Variants in TRIM69 observed in about 807,000 individuals in gnomAD.
The protein encoded by TRIM69 is E3 ubiquitin-protein ligase TRIM69.
In TRIM69, 29 loss-of-function variants were observed where a neutral mutation model predicts 37.7. The observed-to-expected ratio is 0.77, with a 90% CI of 0.57 to 1.05. The LOEUF is 1.05. TRIM69 is among the 50% of genes least tolerant of loss of function. The pLI, the probability that TRIM69 is intolerant of heterozygous loss-of-function variation, is 0.00. For missense variants in TRIM69, 596 were observed against 579.9 expected (o/e 1.03, Z -0.28); for synonymous variants, 209 against 212.4 (o/e 0.98, Z 0.14).
At chr15:44,736,857 CT>C in intron 1 of TRIM69, 147 bp downstream of exon 1, 1 of 862,402 alleles carries the variant, frequency 1.2e-6, no homozygotes, top group Non-Finnish European at 1.7e-6. Flanking sequence ...AGCTACTATA[CT>C]CTCTCCAAGC....
intron 1 of TRIM69, among the ~76,000 whole-genome samples, chr15:44,743,606 A>G (rs1397191208): frequency 6.6e-6 from 1 of 152,198 alleles, no homozygotes; most frequent in Non-Finnish European, 1.5e-5. Flanking sequence ...ATGAACTCAA[A>G]CAAATTTACA....
At chr15:44,754,663 T>A (rs1354485806) in intron 1 of TRIM69, 3 of 472,134 alleles carry the variant, frequency 6.4e-6, no homozygotes, top group Non-Finnish European at 1.1e-5. Context: ...CAAAGTACAT[T>A]TCTTTGATTT....
Position 44,759,848 on chromosome 15 carries a change from G to C in TRIM69, c.937G>C (p.Glu313Gln), listed in dbSNP as rs768616131. 1 of 1,613,778 alleles carries C rather than the reference G, an allele frequency of 6.2e-7. No homozygotes were observed. Among genetic ancestry groups the C allele is most frequent in the Non-Finnish European group, 8.5e-7 (1 of 1,179,716 alleles). ...KGPIQYMVWR[E>Q]MQDTLCPGLS... is the part of the protein sequence containing the mutation. ...TCCTATCCAGTACATGGTATGGAGG[G>C]AAATGCAGGACACTCTCTGCCCAGG... is the stretch of plus-strand genomic sequence containing the variant. The change falls in exon 6 of 7, where the codon GAA becomes CAA. Residue 313 changes from glutamate to glutamine, a missense_variant. Coordinates refer to ENST00000329464, the MANE Select transcript of TRIM69 (RefSeq NM_182985.5).
rs1014275345 is a variant in TRIM69, at chr15:44,740,051, G to A, written c.6+3341G>A. Among the ~76,000 whole-genome samples, 10 of 152,168 alleles carry A rather than the reference G, an allele frequency of 6.6e-5. No individual in the cohort carries two copies. The East Asian group carries it at 9.6e-4, about 15-fold the overall frequency. Reference sequence around the variant, plus strand: ...AGACAAAACTTCCAGAGGAATGATCGACAGCAGCATTCGCGGTTCACGAAA... The same window carrying A: ...AGACAAAACTTCCAGAGGAATGATCAACAGCAGCATTCGCGGTTCACGAAA... On this transcript the variant is annotated intron_variant, in intron 1 of 6. Transcript: ENST00000329464.
intron 1 of TRIM69, among the ~76,000 whole-genome samples, chr15:44,743,039 G>A (rs1260319013): frequency 6.6e-6 from 1 of 152,004 alleles, no homozygotes; most frequent in Non-Finnish European, 1.5e-5. Context: ...AAAGCTAGAG[G>A]CATCATGCTA....
intron 3 of TRIM69, chr15:44,757,371 A>G (rs1024160984): frequency 2.6e-5 from 4 of 152,218 alleles, no homozygotes; most frequent in Non-Finnish European, 5.9e-5. Flanking sequence ...AATGGAGAAC[A>G]TAATCTAGAC....
At chr15:44,750,073 GTTGT>G (rs1267212865) in intron 1 of TRIM69, among the ~76,000 whole-genome samples, 8 of 152,220 alleles carry the variant, frequency 5.3e-5, no homozygotes, top group East Asian at 1.9e-4. Flanking sequence ...TAAAAATTGG[GTTGT>G]TTATTTTTTG....
chr15:44,738,054 C>CTTTT (rs869285725), intron 1 of TRIM69, among the ~76,000 whole-genome samples: 5 of 23,448 alleles, frequency 2.1e-4, no homozygotes, highest in South Asian at 2.4e-3. Context: ...TTCTTTCTTT[C>CTTTT]TTTTTTTTTT....
intron 3 of TRIM69, chr15:44,757,387 G>A (rs2087674261): frequency 6.6e-6 from 1 of 152,182 alleles, no homozygotes. Context: ...TAGACTGGGG[G>A]AGGGGTGTTC....
chr15:44,752,580 T>C (rs1409605960), intron 1 of TRIM69, among the ~76,000 whole-genome samples: 1 of 152,196 alleles, frequency 6.6e-6, no homozygotes, highest in East Asian at 1.9e-4. Context: ...TCCATTTTCC[T>C]AATCTGTGCC....
At chr15:44,766,925 G>A (rs1445130597) in intron 6 of TRIM69, among the ~76,000 whole-genome samples, 5 of 151,274 alleles carry the variant, frequency 3.3e-5, no homozygotes, top group Non-Finnish European at 7.4e-5. Flanking sequence ...CAGGTGTGGT[G>A]GCACACACCT....
intron 1 of TRIM69, chr15:44,753,412 CTGGCTGGATACAGAACTCTTAGT>C (rs1323534147): frequency 1.3e-5 from 2 of 152,182 alleles, no homozygotes; most frequent in African/African-American, 4.8e-5. Flanking sequence ...GCTACTGTGC[CTGGCTGGATACAGAACTCTTAGT>C]TAACAGTTTT....
Position 44,743,437 on chromosome 15 carries a change from G to T in TRIM69, c.6+6727G>T, listed in dbSNP as rs545498570. On this transcript the variant is annotated intron_variant, in intron 1 of 6. Coordinates refer to ENST00000329464, the MANE Select transcript of TRIM69 (RefSeq NM_182985.5). ...TTCATGTCTAAAACACCAAAAGCAA[G>T]GGCAACAAAAGCCAAAATTGACAAA... 7.9e-4 allele frequency among the ~76,000 whole-genome samples: 120 copies of T among 152,060 alleles called. No individual in the cohort carries two copies. In the South Asian group the frequency reaches 8.3e-3, roughly 11 times the overall value.
intron 6 of TRIM69, among the ~76,000 whole-genome samples, chr15:44,761,197 T>C (rs1251893568): frequency 4.6e-5 from 7 of 152,074 alleles, no homozygotes; most frequent in Non-Finnish European, 1.0e-4. Context: ...GGATTACAGG[T>C]ATGAGCCACT....
At chr15:44,738,050 C>CT (rs772041054) in intron 1 of TRIM69, among the ~76,000 whole-genome samples, 4,558 of 117,730 alleles carry the variant, frequency 0.039, 358 homozygotes, top group African/African-American at 0.14. Context: ...TACTTTCTTT[C>CT]TTTCTTTTTT....
At chr15:44,737,082 T>C (rs1157617977) in intron 1 of TRIM69, among the ~76,000 whole-genome samples, 3 of 152,216 alleles carry the variant, frequency 2.0e-5, no homozygotes, top group Non-Finnish European at 4.4e-5. Flanking sequence ...GCAGAGTTGA[T>C]ACTTAGATAG....
intron 6 of TRIM69, among the ~76,000 whole-genome samples, chr15:44,762,303 G>C (rs2087792784): frequency 6.6e-6 from 1 of 152,028 alleles, no homozygotes; most frequent in South Asian, 2.1e-4. Flanking sequence ...TTTGTCACTT[G>C]CTTCCATCAA....
At chr15:44,766,769 G>A (rs1426012163) in intron 6 of TRIM69, among the ~76,000 whole-genome samples, 1 of 151,964 alleles carries the variant, frequency 6.6e-6, no homozygotes, top group Non-Finnish European at 1.5e-5. Context: ...TAAAAAGCAT[G>A]TAAGTGGCCA....
At chr15:44,741,575 C>G (rs538881778) in intron 1 of TRIM69, among the ~76,000 whole-genome samples, 1 of 151,948 alleles carries the variant, frequency 6.6e-6, no homozygotes, top group East Asian at 1.9e-4. Flanking sequence ...GCTAGCAAGA[C>G]TAATAAAGAA....
Sources: allele counts gnomAD v4.1 joint callset (sites outside exome capture counted in the v4.1 genomes callset), GRCh38; gene constraint gnomAD v4.1.1; transcripts MANE v1.5; gene names NCBI Gene and HGNC (gene_info 2026-07-23, HGNC 2026-07-21).